Variants in NPLOC4 observed in about 807,000 individuals in gnomAD.
The protein encoded by NPLOC4 is NPL4 homolog, ubiquitin recognition factor, also known as nuclear protein localization protein 4 homolog.
NPLOC4 carries 18 observed loss-of-function variants against 80.6 expected under a neutral mutation model. That is an observed-to-expected ratio of 0.22 (90% confidence interval 0.15 to 0.33). The LOEUF is 0.33. NPLOC4 is among the 10% of genes least tolerant of loss of function. The pLI, the probability that NPLOC4 is intolerant of heterozygous loss-of-function variation, is 1.00. For missense variants in NPLOC4, 540 were observed against 786.1 expected, an observed-to-expected ratio of 0.69 and a Z score of 3.74; for synonymous variants, 313 against 301.5, an observed-to-expected ratio of 1.04 and a Z score of -0.39.
chr17:81,587,039 GGACA>G (rs1429919977), intron 12 of NPLOC4, among the ~76,000 whole-genome samples: 2 of 152,138 alleles, frequency 1.3e-5, no homozygotes, highest in African/African-American at 2.4e-5. Flanking sequence ...CCAGTAACAA[GGACA>G]GACAGACAGA....
chr17:81,606,889 T>A, intron 6 of NPLOC4, 75 bp from the exon 7 acceptor site: 1 of 1,392,172 alleles, frequency 7.2e-7, no homozygotes, highest in Non-Finnish European at 1.0e-6. Context: ...ACATGCTAAG[T>A]ATCTTATACC....
intron 1 of NPLOC4, among the ~76,000 whole-genome samples, chr17:81,634,448 A>G (rs1409093274): frequency 6.2e-5 from 3 of 48,584 alleles, no homozygotes; most frequent in African/African-American, 1.2e-4. Flanking sequence ...CACTAGTGGG[A>G]AAAAAAAAAT....
intron 12 of NPLOC4, among the ~76,000 whole-genome samples, chr17:81,586,467 C>T (rs889509554): frequency 4.6e-5 from 7 of 151,820 alleles, no homozygotes; most frequent in Admixed American, 2.6e-4. Flanking sequence ...AAAAATTAGC[C>T]GGGCAGGTGG....
intron 8 of NPLOC4, among the ~76,000 whole-genome samples, 155 bp from the exon 9 acceptor site, chr17:81,600,582 C>T (rs533128201): frequency 1.3e-5 from 2 of 152,154 alleles, no homozygotes; most frequent in South Asian, 2.1e-4. Flanking sequence ...ACATGCGACA[C>T]GCCTCCCGGC....
chr17:81,600,255 C>A (rs2035028305), intron 9 of NPLOC4, 86 bp downstream of exon 9: 3 of 905,600 alleles, frequency 3.3e-6, no homozygotes, highest in South Asian at 2.8e-5. Context: ...CCCGACACAG[C>A]CCGGCCACTC....
At chr17:81,596,840 C>T (rs1294755845) in intron 10 of NPLOC4, among the ~76,000 whole-genome samples, 1 of 152,008 alleles carries the variant, frequency 6.6e-6, no homozygotes, top group South Asian at 2.1e-4. Context: ...GAGGGCTGGG[C>T]ATGGTGGCTC....
At chr17:81,606,617 C>T in intron 7 of NPLOC4, 74 bp downstream of exon 7, 1 of 1,536,940 alleles carries the variant, frequency 6.5e-7, no homozygotes, top group Non-Finnish European at 8.9e-7. Flanking sequence ...TAGCATTCCA[C>T]TCCAAGGGGC....
At chr17:81,561,985 G>T (rs985773925) in intron 16 of NPLOC4, 1 of 152,296 alleles carries the variant, frequency 6.6e-6, no homozygotes, top group African/African-American at 2.4e-5. Flanking sequence ...TGTAATCCCA[G>T]CACTTTGGGA....
At chr17:81,613,134 A>C in intron 4 of NPLOC4, 184 bp downstream of exon 4, 1 of 547,950 alleles carries the variant, frequency 1.8e-6, no homozygotes. Flanking sequence ...AGCTAAAAAA[A>C]AAAAACAAAA....
chr17:81,600,333 C>G lies in NPLOC4; in HGVS notation c.921+8G>C. 1 of 1,606,328 alleles carries G rather than the reference C, an allele frequency of 6.2e-7. No individual in the cohort carries two copies. Among genetic ancestry groups the G allele is most frequent in the South Asian group, 1.1e-5 (1 of 89,780 alleles). ...CGCCCCCTGCTTGGCTGCCGGATGC[C>G]TCAGTACCTTCCGCAGGCCAAGTTT... On this transcript the variant is annotated splice_region_variant and intron_variant, in intron 9 of 16. Coordinates refer to ENST00000331134, the MANE Select transcript of NPLOC4 (RefSeq NM_017921.4).
chr17:81,575,161 G>T (rs1446227752), intron 12 of NPLOC4, among the ~76,000 whole-genome samples: 1 of 152,090 alleles, frequency 6.6e-6, no homozygotes, highest in Admixed American at 6.5e-5. Context: ...GTGCAGTGGC[G>T]CGGTCTCGGC....
At chr17:81,613,958 C>G (rs1017007227) in intron 3 of NPLOC4, among the ~76,000 whole-genome samples, 1 of 152,008 alleles carries the variant, frequency 6.6e-6, no homozygotes, top group Non-Finnish European at 1.5e-5. Context: ...AGCACAGACA[C>G]GCATAGGAGC....
At chr17:81,592,173 A>G (rs535450584) in intron 11 of NPLOC4, among the ~76,000 whole-genome samples, 23 of 152,206 alleles carry the variant, frequency 1.5e-4, no homozygotes, top group Admixed American at 5.2e-4. Flanking sequence ...CCCGCACCCT[A>G]TGCCACATGG....
intron 11 of NPLOC4, among the ~76,000 whole-genome samples, chr17:81,590,151 C>G (rs1270023540): frequency 6.6e-6 from 1 of 152,236 alleles, no homozygotes; most frequent in African/African-American, 2.4e-5. Flanking sequence ...GTTAATGCCA[C>G]CAGGCGTCAT....
At chr17:81,621,723 A>G (rs1411493543) in intron 3 of NPLOC4, among the ~76,000 whole-genome samples, 1 of 152,196 alleles carries the variant, frequency 6.6e-6, no homozygotes, top group Non-Finnish European at 1.5e-5. Context: ...CCAGGCTGTG[A>G]CAAGAGGTCT....
At chr17:81,568,966 T>A in intron 14 of NPLOC4, 50 bp downstream of exon 14, 1 of 1,149,748 alleles carries the variant, frequency 8.7e-7, no homozygotes, top group Non-Finnish European at 1.3e-6. Flanking sequence ...TGACACTAGA[T>A]AACAATCAGC....
At position 81,572,082 on chromosome 17, in the gene NPLOC4, C is replaced by T; in HGVS notation, c.1288G>A (p.Asp430Asn). 6.2e-7 allele frequency: 1 copy of T among 1,608,716 alleles called. No homozygotes were observed. Among genetic ancestry groups the T allele is most frequent in the Non-Finnish European group, 8.5e-7 (1 of 1,176,780 alleles). Residue 430 changes from aspartate (D) to asparagine (N), a missense_variant, in exon 13 of 17, where the codon GAC becomes AAC. Asp to Asn is a conservative substitution (Grantham distance 23, BLOSUM62 1). Around this residue, in one of 6 missense-constraint regions of NPLOC4, gnomAD observed 251 missense variants for 377.5 expected, o/e 0.66. Transcript: ENST00000331134. The surrounding 1 kb of genome is among the most constrained non-coding windows in gnomAD (Gnocchi z 4.5). ...TGGGTGATCTCGTTGCCAAACTTGT[C>T]TACGTCCTGCAATAGTCAGAGGGGA... Reference protein sequence around the residue: ...YVPDVFYKDVDKFGNEITQLA... With the variant: ...YVPDVFYKDVNKFGNEITQLA...
chr17:81,598,148 A>G (rs1331670907), intron 9 of NPLOC4, among the ~76,000 whole-genome samples: 1 of 151,622 alleles, frequency 6.6e-6, no homozygotes, highest in Non-Finnish European at 1.5e-5. Context: ...GCTTCTGCCC[A>G]GAGAGCTTAA....
chr17:81,631,437 T>TATATATA lies in NPLOC4; in HGVS notation c.16-1633_16-1632insTATATAT, dbSNP rs200897859. ...TAAAGTGTACATATATATATATATA[T>TATATATA]TTTTTTTTTTTTTTTTTTTTTTTTT... On this transcript the variant is annotated intron_variant, in intron 1 of 16. Transcript: ENST00000331134. Among the ~76,000 whole-genome samples the TATATATA allele has an allele frequency of 0.018, 773 of 42,790 alleles. 20 individuals are homozygous for TATATATA. The East Asian group carries it at 0.27, about 15-fold the overall frequency. 28.1% of individuals were successfully genotyped at this position (42,790 alleles called of 152,430 possible).
Sources: allele counts gnomAD v4.1 joint callset (sites outside exome capture counted in the v4.1 genomes callset), GRCh38; gene constraint gnomAD v4.1.1; regional missense constraint gnomAD v4.1.1; non-coding constraint Gnocchi (gnomAD v3.1); transcripts MANE v1.5; gene names NCBI Gene and HGNC (gene_info 2026-07-23, HGNC 2026-07-21).